Variants in ACAD11 observed in about 807,000 individuals in gnomAD.
ACAD11 encodes acyl-CoA dehydrogenase family member 11.
Under a neutral mutation model 102.2 loss-of-function variants are expected in ACAD11, and 83 were observed. The ratio of observed to expected loss-of-function variants is 0.81; its 90% confidence interval spans 0.68 to 0.97. ACAD11 has a LOEUF of 0.97. ACAD11 is among the 50% of genes least tolerant of loss of function. ACAD11 has a pLI of 0.00. For missense variants in ACAD11, 901 were observed against 951.7 expected (o/e 0.95, Z 0.70); for synonymous variants, 324 against 319.8 (o/e 1.01, Z -0.14).
chr3:132,645,837 A>G (rs1940696135), intron 1 of ACAD11: 1 of 152,244 alleles, frequency 6.6e-6, no homozygotes, highest in Non-Finnish European at 1.5e-5. Flanking sequence ...TTTTGGTACC[A>G]TCTAATCCTG....
At chr3:132,606,152 A>G (rs993359595) in intron 11 of ACAD11, among the ~76,000 whole-genome samples, 1 of 152,226 alleles carries the variant, frequency 6.6e-6, no homozygotes, top group Non-Finnish European at 1.5e-5. Flanking sequence ...AACAATTTTC[A>G]TATCAACATT....
Position 132,641,992 on chromosome 3 carries a change from C to T in ACAD11, c.517G>A (p.Ala173Thr). The T allele has an allele frequency of 6.2e-7, 1 of 1,613,088 alleles. No individual in the cohort carries two copies. The highest frequency in any genetic ancestry group is 8.5e-7 in the Non-Finnish European group (1 of 1,179,412). ...SLQLEGYGIG[A>T]GYCKRQVSTW... is the part of the protein sequence containing the mutation. ...ATTACCTGTCTTTTGCAGTACCCAG[C>T]ACCTATACCATATCCTTCCAGCTGC... Residue 173 changes from alanine (A) to threonine (T), a missense_variant, in exon 4 of 20, where the codon GCT becomes ACT. Transcript: ENST00000264990.
intron 5 of ACAD11, among the ~76,000 whole-genome samples, chr3:132,638,575 T>C (rs1189914746): frequency 1.3e-5 from 2 of 152,152 alleles, no homozygotes; most frequent in African/African-American, 4.8e-5. Context: ...ATGAATAAGA[T>C]ACAGTCATTG....
At chr3:132,653,650 G>A (rs889709084) in intron 1 of ACAD11, among the ~76,000 whole-genome samples, 1 of 151,916 alleles carries the variant, frequency 6.6e-6, no homozygotes, top group Admixed American at 6.6e-5. Context: ...GAGATTACAC[G>A]TCCTCCTCCT....
At chr3:132,621,100 A>G (rs1475590567) in intron 9 of ACAD11, 1 of 152,216 alleles carries the variant, frequency 6.6e-6, no homozygotes, top group Admixed American at 6.5e-5. Flanking sequence ...GACATAAAGA[A>G]TAAAGAGAGA....
At chr3:132,582,826 T>C (rs1937626127) in intron 13 of ACAD11, among the ~76,000 whole-genome samples, 2 of 152,128 alleles carry the variant, frequency 1.3e-5, no homozygotes, top group South Asian at 2.1e-4. Flanking sequence ...AGAACTTGAA[T>C]TGTAAGCCTG....
intron 13 of ACAD11, among the ~76,000 whole-genome samples, chr3:132,591,614 G>T (rs1476278347): frequency 2.0e-5 from 3 of 152,128 alleles, no homozygotes; most frequent in African/African-American, 7.2e-5. Flanking sequence ...TGTTGGCCGG[G>T]CATGATGACT....
intron 13 of ACAD11, among the ~76,000 whole-genome samples, chr3:132,590,302 G>T (rs1938023785): frequency 6.6e-6 from 1 of 152,120 alleles, no homozygotes; most frequent in African/African-American, 2.4e-5. Flanking sequence ...TGTTGCCAAG[G>T]CTGGAGTAGA....
At chr3:132,626,902 C>T (rs1939839579) in intron 8 of ACAD11, 85 bp from the exon 9 acceptor site, 1 of 1,356,942 alleles carries the variant, frequency 7.4e-7, no homozygotes, top group Admixed American at 2.6e-5. Context: ...GTGAAGTTTC[C>T]TCAGCTACCC....
At chr3:132,619,031 ACTT>A (rs1939513268) in intron 10 of ACAD11, 4 of 361,332 alleles carry the variant, frequency 1.1e-5, no homozygotes, top group South Asian at 2.7e-4. Flanking sequence ...CTACTTGAGA[ACTT>A]CTTCTGGAAT....
intron 1 of ACAD11, among the ~76,000 whole-genome samples, chr3:132,646,211 G>T (rs1026547104): frequency 6.6e-6 from 1 of 152,170 alleles, no homozygotes; most frequent in Non-Finnish European, 1.5e-5. Flanking sequence ...TGATCCGCCC[G>T]CCTGGGCCTC....
intron 4 of ACAD11, among the ~76,000 whole-genome samples, chr3:132,640,697 C>G (rs920691624): frequency 3.3e-5 from 5 of 152,106 alleles, no homozygotes; most frequent in Admixed American, 1.3e-4. Flanking sequence ...GCAAGCCTCC[C>G]TTTCTTCATC....
chr3:132,627,655 C>A (rs1939879068), intron 8 of ACAD11, among the ~76,000 whole-genome samples: 1 of 152,060 alleles, frequency 6.6e-6, no homozygotes, highest in African/African-American at 2.4e-5. Flanking sequence ...GCACATTTAT[C>A]CCGGAACTTA....
At chr3:132,644,472 A>G (rs1357303303) in intron 2 of ACAD11, among the ~76,000 whole-genome samples, 1 of 152,186 alleles carries the variant, frequency 6.6e-6, no homozygotes, top group African/African-American at 2.4e-5. Flanking sequence ...AATATATAAC[A>G]AAACAAAATA....
In ACAD11 at chr3:132,558,881, G is replaced by A. The variant is rs1936961528; in HGVS notation, c.*90C>T. On this transcript the variant is annotated 3_prime_UTR_variant, in exon 20 of 20. Coordinates refer to ENST00000264990, the MANE Select transcript of ACAD11 (RefSeq NM_032169.5). ...GAATAATTAACCCTGTGCTCAAACT[G>A]CTACAAAAATATGAGATTCAAATGT... is the stretch of plus-strand genomic sequence containing the variant. 1.1e-6 allele frequency: 1 copy of A among 930,344 alleles called. No homozygotes were observed. Among genetic ancestry groups the A allele is most frequent in the Admixed American group, 2.4e-5 (1 of 40,998 alleles). 57.6% of individuals were successfully genotyped at this position (930,344 alleles called of 1,614,324 possible). A position where few individuals can be genotyped will look rare whatever the true frequency, so the allele number is the denominator to read the frequency against.
At chr3:132,572,260 G>A (rs756285828) in intron 17 of ACAD11, among the ~76,000 whole-genome samples, 9 of 151,562 alleles carry the variant, frequency 5.9e-5, no homozygotes, top group Non-Finnish European at 1.2e-4. Flanking sequence ...AGCACTCCCC[G>A]AGAGCCAAAT....
At chr3:132,626,539 T>C (rs555551587) in intron 9 of ACAD11, 152 bp downstream of exon 9, 2 of 816,446 alleles carry the variant, frequency 2.4e-6, no homozygotes, top group Non-Finnish European at 3.7e-6. Context: ...ATTCCCTTTG[T>C]TCTATCGTGG....
chr3:132,578,952 C>T, intron 14 of ACAD11, 71 bp from the exon 15 acceptor site: 1 of 1,596,704 alleles, frequency 6.3e-7, no homozygotes, highest in Non-Finnish European at 8.5e-7. Flanking sequence ...TAAGCAGAAT[C>T]ACAATTGTCT....
rs1281020737 is a variant in ACAD11 at position 132,603,443 on chromosome 3, T to C, written c.1523-116A>G. 4 of 819,520 alleles carry C rather than the reference T, an allele frequency of 4.9e-6. No individual in the cohort carries two copies. In the Admixed American group the frequency reaches 6.6e-5, roughly 13 times the overall value. 50.8% of individuals were successfully genotyped at this position (819,520 alleles called of 1,614,324 possible). ...TTTATCTTTTTCAATGTCCTTTCAC[T>C]CCCCATTCCACCCTGCTTTTCCCAT... On this transcript the variant is annotated intron_variant, in intron 12 of 19. Coordinates refer to ENST00000264990, the MANE Select transcript of ACAD11 (RefSeq NM_032169.5).
Sources: gnomAD v4.1 joint callset for allele counts (sites outside exome capture counted in the v4.1 genomes callset) on GRCh38, gnomAD v4.1.1 for gene constraint, MANE v1.5 for transcripts, NCBI Gene and HGNC (gene_info 2026-07-23, HGNC 2026-07-21) for gene names.